Variants in COL4A5 observed in about 807,000 individuals in gnomAD.
The protein encoded by COL4A5 is collagen type IV alpha 5 chain.
A neutral mutation model predicts 130.2 loss-of-function variants in COL4A5; 26 were observed. That is an observed-to-expected ratio of 0.20 (90% CI 0.15 to 0.28). COL4A5 has a LOEUF of 0.28. COL4A5 is among the 10% of genes least tolerant of loss of function. The pLI is 1.00. For missense variants in COL4A5, 1,131 were observed against 1,344.3 expected (o/e 0.84, Z 2.48); for synonymous variants, 496 against 439.6 (o/e 1.13, Z -1.60).
At chrX:108,447,308 C>T (rs1310547304) in intron 1 of COL4A5, among the ~76,000 whole-genome samples, 4 of 111,197 alleles carry the variant, frequency 3.6e-5, no homozygotes, top group African/African-American at 1.3e-4. Context: ...AGCCTCAATT[C>T]CCTCTTTTTA....
chrX:108,443,071 G>A (rs1483125705), intron 1 of COL4A5: 1 of 111,498 alleles, frequency 9.0e-6, no homozygotes, highest in African/African-American at 3.3e-5. Context: ...GGTGTGTAAA[G>A]TATTTGGATC....
chrX:108,588,914 T>C (rs1055886283), intron 19 of COL4A5, among the ~76,000 whole-genome samples: 11 of 111,484 alleles, frequency 9.9e-5, no homozygotes, highest in Non-Finnish European at 1.9e-4. Context: ...ATGAGATACA[T>C]AGGAAGTTTA....
At chrX:108,516,575 G>A (rs2065223367) in intron 1 of COL4A5, among the ~76,000 whole-genome samples, 2 of 111,397 alleles carry the variant, frequency 1.8e-5, no homozygotes, top group African/African-American at 6.5e-5. Context: ...CTGTCAATAG[G>A]CCATCAATAA....
At chrX:108,610,906 T>G (rs966742413) in intron 29 of COL4A5, among the ~76,000 whole-genome samples, 3 of 111,831 alleles carry the variant, frequency 2.7e-5, no homozygotes, top group Admixed American at 9.5e-5. Context: ...AATGCATAGT[T>G]TCTGATCTTG....
chrX:108,682,150 A>T (rs1291558845), intron 47 of COL4A5, among the ~76,000 whole-genome samples: 2 of 111,003 alleles, frequency 1.8e-5, no homozygotes, highest in Non-Finnish European at 3.8e-5. Flanking sequence ...GAGTGAAAAC[A>T]TGTGGTGTTT....
chrX:108,610,979 A>G (rs2066823606), intron 29 of COL4A5, among the ~76,000 whole-genome samples: 1 of 111,298 alleles, frequency 9.0e-6, no homozygotes, highest in Non-Finnish European at 1.9e-5. Context: ...GAAAGTGATT[A>G]TCTCAATGGG....
chrX:108,476,552 A>T (rs754186155), intron 1 of COL4A5, among the ~76,000 whole-genome samples: 89 of 89,879 alleles, frequency 9.9e-4, no homozygotes, highest in Non-Finnish European at 1.5e-3. Flanking sequence ...TTACCTATTA[A>T]CCATCCCCAC....
rs1569483065 is a variant in COL4A5, at chrX:108,539,729, C to G, written c.82-17C>G. 1 of 1,198,307 alleles carries G rather than the reference C, an allele frequency of 8.3e-7. No homozygotes were observed. Among genetic ancestry groups the G allele is most frequent in the South Asian group, 1.8e-5 (1 of 56,509 alleles). On this transcript the variant is annotated splice_polypyrimidine_tract_variant and intron_variant, in intron 1 of 52. Coordinates refer to ENST00000328300, the MANE Select transcript of COL4A5 (RefSeq NM_033380.3). Reference sequence around the variant, plus strand: ...GTTCATATTTAATGATTTTTTCCCTCTTTCTCTTCCTTATAGGCTTGCTAT... The same window carrying G: ...GTTCATATTTAATGATTTTTTCCCTGTTTCTCTTCCTTATAGGCTTGCTAT...
chrX:108,515,124 C>T (rs2065209631), intron 1 of COL4A5, among the ~76,000 whole-genome samples: 1 of 111,463 alleles, frequency 9.0e-6, no homozygotes, highest in Non-Finnish European at 1.9e-5. Context: ...TTTTTTATTT[C>T]TCCATTTGTT....
chrX:108,686,874 G>A (rs559262017), intron 48 of COL4A5, among the ~76,000 whole-genome samples: 1 of 111,974 alleles, frequency 8.9e-6, no homozygotes, highest in Admixed American at 9.5e-5. Flanking sequence ...TCAATGCCCT[G>A]ACATTTCATT....
intron 25 of COL4A5, among the ~76,000 whole-genome samples, chrX:108,599,368 A>G (rs1478233030): frequency 8.9e-6 from 1 of 111,747 alleles, no homozygotes; most frequent in African/African-American, 3.3e-5. Context: ...TAAAGGAATC[A>G]TAGGGTAAGT....
rs772452876 is a variant in COL4A5, at chrX:108,489,496, T to C, written c.81+49290T>C. On this transcript the variant is annotated intron_variant, in intron 1 of 52. Coordinates refer to ENST00000328300, the MANE Select transcript of COL4A5 (RefSeq NM_033380.3). ...TTGTTGAACTGAATTGAATCACATT[T>C]ATATAGAGGTTCTGAGGTTGCCTTT... is the stretch of plus-strand genomic sequence containing the variant. Among the ~76,000 whole-genome samples, 3 of 112,408 alleles carry C rather than the reference T, an allele frequency of 2.7e-5. No individual in the cohort carries two copies. In the East Asian group the frequency reaches 8.3e-4, roughly 31 times the overall value.
At chrX:108,527,035 G>T (rs2065334288) in intron 1 of COL4A5, among the ~76,000 whole-genome samples, 1 of 110,039 alleles carries the variant, frequency 9.1e-6, no homozygotes, top group Non-Finnish European at 1.9e-5. Flanking sequence ...CTCCCAAAGT[G>T]CTGGGATTAC....
intron 36 of COL4A5, among the ~76,000 whole-genome samples, chrX:108,650,874 T>C (rs1603305893): frequency 9.1e-6 from 1 of 110,114 alleles, no homozygotes; most frequent in African/African-American, 3.3e-5. Flanking sequence ...AAATCACCAC[T>C]AAAGAACTTA....
At chrX:108,511,214 G>A (rs1020260736) in intron 1 of COL4A5, among the ~76,000 whole-genome samples, 2 of 111,657 alleles carry the variant, frequency 1.8e-5, no homozygotes, top group African/African-American at 6.5e-5. Flanking sequence ...GGCCACTCCT[G>A]TAGCTGCTGC....
chrX:108,557,767 G>C (rs561738304), intron 2 of COL4A5, among the ~76,000 whole-genome samples: 1 of 110,104 alleles, frequency 9.1e-6, no homozygotes, highest in Non-Finnish European at 1.9e-5. Flanking sequence ...TCTTTCTCAC[G>C]TGCTGTCCAG....
chrX:108,696,232 GA>G, intron 52 of COL4A5, 64 bp from the exon 53 acceptor site: 2 of 913,013 alleles, frequency 2.2e-6, no homozygotes, highest in Admixed American at 4.4e-5. Flanking sequence ...TTATAAATTT[GA>G]ACCAGTAACA....
chrX:108,532,030 C>T (rs2065392236), intron 1 of COL4A5, among the ~76,000 whole-genome samples: 1 of 111,312 alleles, frequency 9.0e-6, no homozygotes, highest in Admixed American at 9.6e-5. Context: ...TAATACCAAT[C>T]CTCCTGAAAC....
chrX:108,446,557 T>G (rs1255561439), intron 1 of COL4A5, among the ~76,000 whole-genome samples: 1 of 112,260 alleles, frequency 8.9e-6, no homozygotes, highest in Non-Finnish European at 1.9e-5. Flanking sequence ...GGTAACTTTT[T>G]TAGTGGTTAC....
Sources: allele counts gnomAD v4.1 joint callset (sites outside exome capture counted in the v4.1 genomes callset), GRCh38; gene constraint gnomAD v4.1.1; transcripts MANE v1.5; gene names NCBI Gene and HGNC (gene_info 2026-07-23, HGNC 2026-07-21).